AGBL1: variants seen among roughly 807,000 people sequenced by gnomAD.
AGBL1 encodes the protein AGBL carboxypeptidase 1, also known as cytosolic carboxypeptidase 4.
AGBL1 carries 130 observed loss-of-function variants against 118.9 expected under a neutral mutation model. That is an observed-to-expected ratio of 1.09 (90% confidence interval 0.95 to 1.26). AGBL1 has a LOEUF of 1.26. AGBL1 is among the 50% of genes most tolerant of loss of function. AGBL1 has a pLI of 0.00. For synonymous variants in AGBL1, 555 were observed against 478.9 expected, an observed-to-expected ratio of 1.16 and a Z score of -2.08; for missense variants, 1,584 against 1,298.1, an observed-to-expected ratio of 1.22 and a Z score of -3.38.
chr15:86,204,585 G>T (rs2077960716), intron 5 of AGBL1, among the ~76,000 whole-genome samples: 1 of 147,858 alleles, frequency 6.8e-6, no homozygotes, highest in Non-Finnish European at 1.5e-5. Context: ...TTCATTCATT[G>T]GTTCGTTTAG....
At chr15:86,663,949 T>A (rs1368106358) in intron 21 of AGBL1, among the ~76,000 whole-genome samples, 1 of 152,142 alleles carries the variant, frequency 6.6e-6, no homozygotes, top group Non-Finnish European at 1.5e-5. Flanking sequence ...TAGAAAAACA[T>A]GGAAATGTAA....
chr15:86,897,322 C>T (rs1004533137), intron 22 of AGBL1, among the ~76,000 whole-genome samples: 4 of 152,132 alleles, frequency 2.6e-5, no homozygotes, highest in African/African-American at 9.7e-5. Flanking sequence ...TTATATGTTG[C>T]TGTGGATCAT....
intron 21 of AGBL1, among the ~76,000 whole-genome samples, chr15:86,603,892 C>T (rs1731772004): frequency 6.6e-6 from 1 of 151,972 alleles, no homozygotes; most frequent in Non-Finnish European, 1.5e-5. Context: ...AGCAAATTTC[C>T]ACTTTCTTTT....
chr15:86,568,190 C>T (rs755386539), intron 21 of AGBL1, among the ~76,000 whole-genome samples: 8 of 152,100 alleles, frequency 5.3e-5, no homozygotes, highest in South Asian at 4.2e-4. Context: ...CTGGGACACT[C>T]CCAGGTCAGG....
intron 17 of AGBL1, among the ~76,000 whole-genome samples, chr15:86,325,335 C>G (rs1175716712): frequency 6.6e-6 from 1 of 152,112 alleles, no homozygotes; most frequent in Non-Finnish European, 1.5e-5. Context: ...TTCCAAATCT[C>G]TAAATTAAGC....
At chr15:86,596,812 C>G (rs956791292) in intron 21 of AGBL1, among the ~76,000 whole-genome samples, 1 of 152,082 alleles carries the variant, frequency 6.6e-6, no homozygotes, top group African/African-American at 2.4e-5. Flanking sequence ...ATTTACCTTG[C>G]TTTCCTTCTT....
intron 22 of AGBL1, among the ~76,000 whole-genome samples, chr15:86,779,606 T>A (rs74537142): frequency 0.053 from 8,029 of 152,192 alleles, 260 homozygotes; most frequent in South Asian, 0.12. Flanking sequence ...GTATATATAT[T>A]CAACTTGTAG....
At chr15:86,521,582 G>A (rs1202737797) in intron 18 of AGBL1, among the ~76,000 whole-genome samples, 2 of 152,136 alleles carry the variant, frequency 1.3e-5, no homozygotes, top group Non-Finnish European at 2.9e-5. Flanking sequence ...TGGAAAATCA[G>A]GGAAAGTTCC....
chr15:86,962,806 C>T (rs1168148011), intron 23 of AGBL1, among the ~76,000 whole-genome samples: 4 of 152,038 alleles, frequency 2.6e-5, no homozygotes, highest in African/African-American at 9.7e-5. Context: ...CTGGTCCCAC[C>T]TCAGAGCTAT....
chr15:86,662,850 GATA>G (rs2085569630), intron 21 of AGBL1, among the ~76,000 whole-genome samples: 1 of 152,172 alleles, frequency 6.6e-6, no homozygotes, highest in Non-Finnish European at 1.5e-5. Flanking sequence ...GACCAGTGAA[GATA>G]TGCCTAGTGG....
intron 17 of AGBL1, among the ~76,000 whole-genome samples, chr15:86,357,879 C>T (rs1027332399): frequency 3.3e-5 from 5 of 152,040 alleles, no homozygotes; most frequent in African/African-American, 4.8e-5. Flanking sequence ...TTGCCCCTCA[C>T]GTTTATTGCG....
chr15:86,931,960 C>T (rs1021256387), intron 23 of AGBL1, among the ~76,000 whole-genome samples: 3 of 152,076 alleles, frequency 2.0e-5, no homozygotes, highest in Non-Finnish European at 4.4e-5. Context: ...TATTAAATGC[C>T]TACTTGTGGT....
chr15:86,838,861 T>C (rs1234936917), intron 22 of AGBL1, among the ~76,000 whole-genome samples: 1 of 142,010 alleles, frequency 7.0e-6, no homozygotes, highest in Non-Finnish European at 1.5e-5. Flanking sequence ...GGAGCATTGC[T>C]TGGACCCTGG....
At chr15:86,270,968 CT>C (rs1335203357) in intron 14 of AGBL1, among the ~76,000 whole-genome samples, 1 of 151,482 alleles carries the variant, frequency 6.6e-6, no homozygotes, top group Non-Finnish European at 1.5e-5. Flanking sequence ...CATTCCTTGG[CT>C]GATGGCCCCT....
chr15:86,096,264 C>A (rs1380588080), intron 1 of AGBL1, among the ~76,000 whole-genome samples: 2 of 152,122 alleles, frequency 1.3e-5, no homozygotes, highest in South Asian at 4.1e-4. Context: ...AGTCTCTGAG[C>A]CTCAGGTCTG....
At chr15:86,414,102 T>C (rs1033994101) in intron 18 of AGBL1, among the ~76,000 whole-genome samples, 1 of 152,168 alleles carries the variant, frequency 6.6e-6, no homozygotes, top group Non-Finnish European at 1.5e-5. Flanking sequence ...ATGTTCTCAC[T>C]TATAAGTGGG....
chr15:86,591,611 G>A (rs1322449056), intron 21 of AGBL1, among the ~76,000 whole-genome samples: 1 of 152,096 alleles, frequency 6.6e-6, no homozygotes, highest in African/African-American at 2.4e-5. Context: ...AGATGCATAG[G>A]GTGAAGTATG....
intron 24 of AGBL1, among the ~76,000 whole-genome samples, chr15:87,011,620 G>C (rs1442569998): frequency 6.6e-6 from 1 of 152,140 alleles, no homozygotes; most frequent in East Asian, 1.9e-4. Context: ...ATAGGAAAAA[G>C]GGATCTACCA....
chr15:86,848,476 G>A (rs1356399956), intron 22 of AGBL1, among the ~76,000 whole-genome samples: 1 of 152,126 alleles, frequency 6.6e-6, no homozygotes, highest in African/African-American at 2.4e-5. Flanking sequence ...GCTCATTTCT[G>A]TTATATGGTA....
Sources: allele counts gnomAD v4.1 joint callset (sites outside exome capture counted in the v4.1 genomes callset), GRCh38; gene constraint gnomAD v4.1.1; transcripts MANE v1.5; gene names NCBI Gene and HGNC (gene_info 2026-07-23, HGNC 2026-07-21).